The following DCC variants were observed in gnomAD, a reference collection of about 807,000 sequenced individuals.
DCC encodes the protein netrin receptor DCC.
Under a neutral mutation model 172.5 loss-of-function variants are expected in DCC, and 58 were observed. The observed-to-expected ratio is 0.34, with a 90% CI of 0.27 to 0.42. The LOEUF (loss-of-function observed/expected upper bound fraction) is 0.42, where lower values mean the gene tolerates loss of function less well. Among genes scored for constraint, DCC ranks in the 10% least tolerant of loss-of-function variants. DCC has a pLI of 1.00. For synonymous variants in DCC, 709 were observed against 644.5 expected (o/e 1.10, Z -1.52); for missense variants, 1,740 against 1,791.0 (o/e 0.97, Z 0.51).
At position 53,215,560 on chromosome 18, in the gene DCC, C is replaced by T. The variant is rs755847775; in HGVS notation, c.1874C>T (p.Pro625Leu). ...VVTLSDVPSA[P>L]PQNVSLEVVN... ...TGATTCCTTTTAGTGCCAAGTGCCCCGCCTCAGAACGTCTCCCTGGAAGTG... is the reference window on the plus strand; with the variant it reads ...TGATTCCTTTTAGTGCCAAGTGCCCTGCCTCAGAACGTCTCCCTGGAAGTG... Residue 625 changes from proline (P) to leucine (L), a missense_variant, in exon 12 of 29, where the codon CCG becomes CTG. Transcript: ENST00000442544. 2.5e-6 allele frequency: 4 copies of T among 1,613,732 alleles called. No individual in the cohort carries two copies. Among genetic ancestry groups the T allele is most frequent in the Non-Finnish European group, 2.5e-6 (3 of 1,179,724 alleles).
chr18:52,803,783 T>G (rs2038037333), intron 2 of DCC, among the ~76,000 whole-genome samples: 1 of 152,186 alleles, frequency 6.6e-6, no homozygotes, highest in African/African-American at 2.4e-5. Flanking sequence ...ATTCATTCAA[T>G]CCACACACTC....
chr18:53,260,616 G>C (rs1037820046), intron 12 of DCC, among the ~76,000 whole-genome samples: 2 of 152,062 alleles, frequency 1.3e-5, no homozygotes, highest in Non-Finnish European at 1.5e-5. Context: ...TGCCCCTACT[G>C]GGGGGTGCCT....
At chr18:52,913,129 G>A (rs1350780495) in intron 3 of DCC, among the ~76,000 whole-genome samples, 1 of 152,012 alleles carries the variant, frequency 6.6e-6, no homozygotes. Flanking sequence ...GGTAACTAGG[G>A]CTAGGCAGAG....
chr18:53,063,068 T>G (rs2042518351), intron 5 of DCC, among the ~76,000 whole-genome samples: 1 of 152,126 alleles, frequency 6.6e-6, no homozygotes, highest in African/African-American at 2.4e-5. Context: ...AAAAAGTGTT[T>G]CCTTTTTTCT....
intron 14 of DCC, among the ~76,000 whole-genome samples, chr18:53,339,128 G>A (rs780519206): frequency 1.3e-5 from 2 of 152,158 alleles, no homozygotes; most frequent in Non-Finnish European, 2.9e-5. Flanking sequence ...CAGGTCCAAA[G>A]GTTGTGAGGC....
intron 1 of DCC, among the ~76,000 whole-genome samples, chr18:52,548,925 A>T (rs1027854001): frequency 4.0e-4 from 61 of 152,156 alleles, no homozygotes; most frequent in African/African-American, 1.3e-3. Context: ...TTTGTGAAAC[A>T]TTCTTCACAG....
chr18:52,652,144 G>A (rs1234914621), intron 1 of DCC, among the ~76,000 whole-genome samples: 1 of 152,110 alleles, frequency 6.6e-6, no homozygotes, highest in Non-Finnish European at 1.5e-5. Flanking sequence ...TAATCCATCA[G>A]TCAATGGAGA....
intron 28 of DCC, among the ~76,000 whole-genome samples, chr18:53,528,532 A>G (rs751251161): frequency 1.3e-5 from 2 of 152,144 alleles, no homozygotes; most frequent in Non-Finnish European, 2.9e-5. Context: ...GACTCTAAAG[A>G]ATGGCAGCCA....
chr18:52,363,789 C>T lies in DCC; in HGVS notation c.91+22911C>T, dbSNP rs542324217. On this transcript the variant is annotated intron_variant, in intron 1 of 28. Coordinates refer to ENST00000442544, the MANE Select transcript of DCC (RefSeq NM_005215.4). ...TGCTATCCAGGGCCTCCCAATGTGC[C>T]CTGCTTCCTCCATTCTGATTGGTGA... Among the ~76,000 whole-genome samples, 426 of 152,306 alleles carry T rather than the reference C, an allele frequency of 2.8e-3. 2 individuals carry two copies. The highest frequency in any genetic ancestry group is 0.011 in the South Asian group (53 of 4,828).
At chr18:52,749,124 G>A (rs145017479) in intron 1 of DCC, among the ~76,000 whole-genome samples, 427 of 152,184 alleles carry the variant, frequency 2.8e-3, no homozygotes, top group East Asian at 0.021. Context: ...CACCTGAGGC[G>A]GAGGTTGCAG....
At chr18:53,267,949 G>T (rs1309446743) in intron 12 of DCC, among the ~76,000 whole-genome samples, 1 of 152,024 alleles carries the variant, frequency 6.6e-6, no homozygotes, top group Admixed American at 6.6e-5. Context: ...ATAACTACAG[G>T]TATAATTATT....
intron 1 of DCC, among the ~76,000 whole-genome samples, chr18:52,536,204 C>T (rs1273635717): frequency 1.3e-5 from 2 of 151,944 alleles, no homozygotes; most frequent in Non-Finnish European, 2.9e-5. Context: ...GGGTATATGT[C>T]GGAGCCAGAT....
intron 4 of DCC, 98 bp from the exon 5 acceptor site, chr18:52,925,136 C>T: frequency 3.3e-6 from 4 of 1,230,702 alleles, no homozygotes; most frequent in Non-Finnish European, 4.8e-6. Context: ...TTTCAAGTGT[C>T]TTAATTTGAG....
At chr18:52,731,063 T>G (rs889882727) in intron 1 of DCC, among the ~76,000 whole-genome samples, 3 of 152,228 alleles carry the variant, frequency 2.0e-5, no homozygotes, top group African/African-American at 7.2e-5. Flanking sequence ...ATATTGGCTA[T>G]AAATCACAGC....
intron 27 of DCC, among the ~76,000 whole-genome samples, chr18:53,510,071 G>A (rs566496900): frequency 6.6e-5 from 10 of 152,156 alleles, no homozygotes; most frequent in South Asian, 4.1e-4. Context: ...CAGAGCCACC[G>A]CTGTCCATGG....
chr18:52,733,403 G>A (rs555441646), intron 1 of DCC, among the ~76,000 whole-genome samples: 6 of 152,222 alleles, frequency 3.9e-5, no homozygotes, highest in Admixed American at 3.3e-4. Context: ...TGATCATTTG[G>A]TCTCAGTTCG....
At chr18:52,662,421 G>A (rs917014024) in intron 1 of DCC, among the ~76,000 whole-genome samples, 25 of 143,664 alleles carry the variant, frequency 1.7e-4, no homozygotes, top group East Asian at 6.2e-4. Context: ...CAATAAATGC[G>A]AAAAGATTCA....
Position 52,875,461 on chromosome 18 carries a change from A to G in DCC, c.413-30583A>G, listed in dbSNP as rs181884891. Among the ~76,000 whole-genome samples, 345 of 152,282 alleles carry G rather than the reference A, an allele frequency of 2.3e-3. 2 individuals carry two copies. Among genetic ancestry groups the G allele is most frequent in the Admixed American group, 0.02 (302 of 15,294 alleles). ...GATGTGAAATGCAAACACTGAACAT[A>G]ATGTTCTGTGTGAGCTCTAAAAACA... On this transcript the variant is annotated intron_variant, in intron 2 of 28. Coordinates refer to ENST00000442544, the MANE Select transcript of DCC (RefSeq NM_005215.4).
chr18:52,813,585 TTGTG>T (rs1358322982), intron 2 of DCC, among the ~76,000 whole-genome samples: 3 of 152,088 alleles, frequency 2.0e-5, no homozygotes, highest in African/African-American at 7.2e-5. Flanking sequence ...TGATGGTTAA[TTGTG>T]TGTGTCAGTT....
Sources: gnomAD v4.1 joint callset for allele counts (sites outside exome capture counted in the v4.1 genomes callset) on GRCh38, gnomAD v4.1.1 for gene constraint, MANE v1.5 for transcripts, NCBI Gene and HGNC (gene_info 2026-07-23, HGNC 2026-07-21) for gene names.